NFATC3: variants seen among roughly 807,000 people sequenced by gnomAD.
The protein encoded by NFATC3 is nuclear factor of activated T cells 3, also known as nuclear factor of activated T-cells, cytoplasmic 3.
In NFATC3, 46 loss-of-function variants were observed where a neutral mutation model predicts 98.6. The observed-to-expected ratio is 0.47, with a 90% CI of 0.37 to 0.60. The LOEUF (loss-of-function observed/expected upper bound fraction) is 0.60. Among genes scored for constraint, NFATC3 ranks in the 20% least tolerant of loss-of-function variants. NFATC3 has a pLI of 0.00. For missense variants in NFATC3, 1,256 were observed against 1,295.5 expected (o/e 0.97, Z 0.47); for synonymous variants, 512 against 472.2 (o/e 1.08, Z -1.09).
At chr16:68,108,323 T>C (rs2035773286) in intron 1 of NFATC3, among the ~76,000 whole-genome samples, 1 of 152,204 alleles carries the variant, frequency 6.6e-6, no homozygotes, top group South Asian at 2.1e-4. Context: ...ATACTACTTA[T>C]TAAATAGAGA....
At chr16:68,091,528 G>A (rs1422291141) in intron 1 of NFATC3, among the ~76,000 whole-genome samples, 1 of 152,078 alleles carries the variant, frequency 6.6e-6, no homozygotes, top group Non-Finnish European at 1.5e-5. Context: ...TATAAAATGG[G>A]GACCTTTTAA....
chr16:68,211,229 C>G (rs2041375422), intron 9 of NFATC3, among the ~76,000 whole-genome samples: 1 of 151,952 alleles, frequency 6.6e-6, no homozygotes, highest in Non-Finnish European at 1.5e-5. Flanking sequence ...CGCTCTGTCG[C>G]CAGGCTGGAG....
intron 3 of NFATC3, among the ~76,000 whole-genome samples, chr16:68,129,233 C>A (rs2036997182): frequency 6.6e-6 from 1 of 152,174 alleles, no homozygotes; most frequent in African/African-American, 2.4e-5. Context: ...CCACTGCACT[C>A]CAGCTTGGGT....
At chr16:68,106,061 G>A (rs2035638465) in intron 1 of NFATC3, among the ~76,000 whole-genome samples, 1 of 151,794 alleles carries the variant, frequency 6.6e-6, no homozygotes, top group Non-Finnish European at 1.5e-5. Flanking sequence ...GTATAAATGG[G>A]GTTTCACCAT....
chr16:68,089,362 C>A, intron 1 of NFATC3: 1 of 855,078 alleles, frequency 1.2e-6, no homozygotes, highest in Non-Finnish European at 1.4e-6. Flanking sequence ...CTTTTTAAGA[C>A]TACTGTTTGC....
chr16:68,161,808 T>C (rs1410194019), intron 4 of NFATC3, among the ~76,000 whole-genome samples: 1 of 152,190 alleles, frequency 6.6e-6, no homozygotes, highest in African/African-American at 2.4e-5. Flanking sequence ...GAAAATAATA[T>C]ATAAACCAAT....
At chr16:68,217,464 CA>C (rs68079157) in intron 9 of NFATC3, among the ~76,000 whole-genome samples, 5,344 of 44,878 alleles carry the variant, frequency 0.12, 55 homozygotes, top group African/African-American at 0.16. Context: ...GTCTCTGTCT[CA>C]AAAAAAAAAA....
Position 68,169,066 on chromosome 16 carries a change from T to C in NFATC3, c.1774+2051T>C, listed in dbSNP as rs896045469. ...TCCCAAAGTTCTGGGATTATAGGCA[T>C]GAGCTACCACATTCAGCCTATATTA... is the stretch of plus-strand genomic sequence containing the variant. On this transcript the variant is annotated intron_variant, in intron 5 of 9. Coordinates refer to ENST00000346183, the MANE Select transcript of NFATC3 (RefSeq NM_173165.3). Among the ~76,000 whole-genome samples, 5 of 151,716 alleles carry C rather than the reference T, an allele frequency of 3.3e-5. 1 individual carries two copies. In the East Asian group the frequency reaches 9.8e-4, roughly 30 times the overall value.
At chr16:68,214,475 C>A in intron 9 of NFATC3, 1 of 1,561,068 alleles carries the variant, frequency 6.4e-7, no homozygotes, top group South Asian at 1.1e-5. Flanking sequence ...GTGCCCAAGT[C>A]TGGTATTTGC....
intron 1 of NFATC3, among the ~76,000 whole-genome samples, chr16:68,113,634 C>A (rs2036103107): frequency 6.6e-6 from 1 of 152,174 alleles, no homozygotes. Flanking sequence ...TTCGGCTGTG[C>A]TGGGGAGAAT....
At chr16:68,177,330 C>A (rs572041127) in intron 6 of NFATC3, among the ~76,000 whole-genome samples, 7 of 152,242 alleles carry the variant, frequency 4.6e-5, no homozygotes, top group African/African-American at 1.7e-4. Flanking sequence ...GGATTACAGG[C>A]GTGAGCCTAT....
intron 5 of NFATC3, among the ~76,000 whole-genome samples, chr16:68,173,293 G>A (rs1012808773): frequency 4.8e-5 from 7 of 147,358 alleles, no homozygotes; most frequent in Non-Finnish European, 7.5e-5. Context: ...TAGGCCGGGC[G>A]CGGTGGCTCA....
chr16:68,199,285 G>A (rs1479040056), intron 9 of NFATC3, among the ~76,000 whole-genome samples: 4 of 146,918 alleles, frequency 2.7e-5, no homozygotes, highest in Non-Finnish European at 6.0e-5. Context: ...GTGCAGTGGC[G>A]CGATCTTGGC....
intron 9 of NFATC3, chr16:68,192,207 C>A (rs1433959538): frequency 1.8e-5 from 1 of 54,786 alleles, no homozygotes; most frequent in Admixed American, 2.7e-4. Flanking sequence ...GACTCCGTCT[C>A]GGGAAAAAAA....
chr16:68,136,870 AAAC>A lies in NFATC3; in HGVS notation c.1401+10272_1401+10274del, dbSNP rs745883898. ...ACATGTTGAGAGCTTGTCTCTTAAAAAACAACAACAACAAAGATTTACTTAAGA... is the reference window on the plus strand; with the variant it reads ...ACATGTTGAGAGCTTGTCTCTTAAAAAACAACAACAAAGATTTACTTAAGA... On this transcript the variant is annotated intron_variant, in intron 3 of 9. Coordinates refer to ENST00000346183, the MANE Select transcript of NFATC3 (RefSeq NM_173165.3). Among the ~76,000 whole-genome samples, 37 of 152,294 alleles carry A rather than the reference AAAC, an allele frequency of 2.4e-4. No individual in the cohort carries two copies. In the East Asian group the frequency reaches 3.9e-3, roughly 16 times the overall value.
At chr16:68,121,242 C>CTTTTTTTT (rs753615194) in intron 1 of NFATC3, among the ~76,000 whole-genome samples, 16 of 102,386 alleles carry the variant, frequency 1.6e-4, no homozygotes, top group South Asian at 3.1e-4. Flanking sequence ...CTTTTCTTTT[C>CTTTTTTTT]TTTTTTTTTT....
At chr16:68,159,570 C>T (rs1231882596) in intron 4 of NFATC3, among the ~76,000 whole-genome samples, 4 of 151,684 alleles carry the variant, frequency 2.6e-5, no homozygotes, top group Non-Finnish European at 5.9e-5. Context: ...CTAGAGGCAC[C>T]TGCCACCACG....
chr16:68,189,632 A>G (rs559155198), intron 8 of NFATC3, among the ~76,000 whole-genome samples: 1 of 152,300 alleles, frequency 6.6e-6, no homozygotes, highest in South Asian at 2.1e-4. Flanking sequence ...TCTTCAATCC[A>G]TGAACCTGGA....
chr16:68,225,813 A>C (rs928911945), intron 9 of NFATC3: 1 of 152,246 alleles, frequency 6.6e-6, no homozygotes, highest in African/African-American at 2.4e-5. Flanking sequence ...CTCACAGAGC[A>C]CTGTACCTCC....
Sources: allele counts gnomAD v4.1 joint callset (sites outside exome capture counted in the v4.1 genomes callset), GRCh38; gene constraint gnomAD v4.1.1; transcripts MANE v1.5; gene names NCBI Gene and HGNC (gene_info 2026-07-23, HGNC 2026-07-21).